Variants in UTS2B observed in about 807,000 individuals in gnomAD.
The protein encoded by UTS2B is urotensin-2B.
A neutral mutation model predicts 19.2 loss-of-function variants in UTS2B; 21 were observed. The observed-to-expected ratio is 1.09, with a 90% CI of 0.78 to 1.58. The LOEUF (loss-of-function observed/expected upper bound fraction) is 1.58, where lower values mean the gene tolerates loss of function less well. Ranked by LOEUF, UTS2B falls within the 40% of genes most tolerant of loss-of-function variation. The pLI, the probability that UTS2B is intolerant of heterozygous loss-of-function variation, is 0.00. For missense variants in UTS2B, 138 were observed against 130.3 expected (o/e 1.06, Z -0.29); for synonymous variants, 57 against 50.2 (o/e 1.14, Z -0.58).
chr3:191,309,247 C>T (rs1007082409), intron 3 of UTS2B, among the ~76,000 whole-genome samples: 6 of 152,038 alleles, frequency 3.9e-5, no homozygotes, highest in Non-Finnish European at 7.4e-5. Flanking sequence ...CTGCAAGCTC[C>T]GCCTCCCTGA....
chr3:191,337,257 C>A, the UTS2B span, among the ~76,000 whole-genome samples: 1 of 152,016 alleles, frequency 6.6e-6, no homozygotes, highest in Non-Finnish European at 1.5e-5. Flanking sequence ...GTTCAGTTAT[C>A]GGTATAAACA....
At chr3:191,304,304 A>G (rs1047138691) in intron 4 of UTS2B, among the ~76,000 whole-genome samples, 188 bp downstream of exon 4, 29 of 152,174 alleles carry the variant, frequency 1.9e-4, no homozygotes, top group African/African-American at 6.5e-4. Flanking sequence ...TCATCTAGTG[A>G]AAGATGGGAA....
chr3:191,281,423 A>T (rs1317808747), intron 5 of UTS2B, among the ~76,000 whole-genome samples: 1 of 152,056 alleles, frequency 6.6e-6, no homozygotes, highest in Non-Finnish European at 1.5e-5. Flanking sequence ...TTTTCTATAG[A>T]AGCACCACAA....
intron 4 of UTS2B, among the ~76,000 whole-genome samples, chr3:191,288,037 A>G (rs1384252122): frequency 6.6e-6 from 1 of 152,156 alleles, no homozygotes; most frequent in African/African-American, 2.4e-5. Context: ...GTCATTTGCA[A>G]TGGATATCCC....
intron 4 of UTS2B, among the ~76,000 whole-genome samples, chr3:191,299,472 G>A (rs1052369475): frequency 6.6e-6 from 1 of 152,250 alleles, no homozygotes; most frequent in East Asian, 1.9e-4. Flanking sequence ...TGCTGCTTCA[G>A]GGAGTGCAAG....
At position 191,282,239 on chromosome 3, in the gene UTS2B, G is replaced by A. The variant is rs1208495958; in HGVS notation, c.-50C>T. On this transcript the variant is annotated 5_prime_UTR_variant, in exon 5 of 9. Coordinates refer to ENST00000340524, the MANE Select transcript of UTS2B (RefSeq NM_198152.5). Reference sequence around the variant, plus strand: ...CAAAGAAACAGACTTTCCAGGTCAAGATGGATATTTCTATAGCTTTGGAAT... The same window carrying A: ...CAAAGAAACAGACTTTCCAGGTCAAAATGGATATTTCTATAGCTTTGGAAT... The A allele has an allele frequency of 7.2e-7, 1 of 1,394,622 alleles. No homozygotes were observed. Among genetic ancestry groups the A allele is most frequent in the South Asian group, 1.2e-5 (1 of 81,402 alleles). 86.4% of individuals were successfully genotyped at this position (1,394,622 alleles called of 1,614,324 possible). A position where few individuals can be genotyped will look rare whatever the true frequency, so the allele number is the denominator to read the frequency against.
At chr3:191,325,301 T>C (rs1366990223) in intron 2 of UTS2B, among the ~76,000 whole-genome samples, 1 of 151,550 alleles carries the variant, frequency 6.6e-6, no homozygotes, top group Non-Finnish European at 1.5e-5. Context: ...TATTTAAAAA[T>C]AGGAAAGACA....
At chr3:191,268,522 C>A in intron 8 of UTS2B, 81 bp from the exon 9 acceptor site, 1 of 990,370 alleles carries the variant, frequency 1.0e-6, no homozygotes, top group Non-Finnish European at 1.5e-6. Flanking sequence ...TTATGTGTGC[C>A]TGAATGCGAG....
intron 4 of UTS2B, among the ~76,000 whole-genome samples, chr3:191,298,093 G>A (rs1716902344): frequency 1.3e-5 from 2 of 152,144 alleles, no homozygotes; most frequent in South Asian, 4.1e-4. Context: ...CTGTTGCCTA[G>A]TTGTAGCATA....
At chr3:191,291,339 TTTC>T (rs1197908790) in intron 4 of UTS2B, among the ~76,000 whole-genome samples, 1 of 152,166 alleles carries the variant, frequency 6.6e-6, no homozygotes, top group Non-Finnish European at 1.5e-5. Context: ...TTTTCTTGTG[TTTC>T]TTGTTTTTGA....
chr3:191,283,503 ATT>A (rs1429634543), intron 4 of UTS2B, among the ~76,000 whole-genome samples: 2 of 151,976 alleles, frequency 1.3e-5, no homozygotes, highest in East Asian at 3.9e-4. Context: ...TTCAAAATTC[ATT>A]TCTTCTTTCA....
At chr3:191,327,625 A>G (rs1312950353) in intron 2 of UTS2B, among the ~76,000 whole-genome samples, 1 of 152,196 alleles carries the variant, frequency 6.6e-6, no homozygotes, top group Non-Finnish European at 1.5e-5. Context: ...GAATACTCTG[A>G]TATTTCTCTC....
At chr3:191,301,855 A>G (rs1007944604) in intron 4 of UTS2B, among the ~76,000 whole-genome samples, 4 of 152,340 alleles carry the variant, frequency 2.6e-5, no homozygotes, top group Admixed American at 2.6e-4. Context: ...GAAAGATGTC[A>G]TTATCAAAAT....
intron 4 of UTS2B, among the ~76,000 whole-genome samples, chr3:191,292,879 T>A (rs369076411): frequency 8.3e-4 from 126 of 152,162 alleles, no homozygotes; most frequent in African/African-American, 2.9e-3. Flanking sequence ...TTACATTTTG[T>A]CAAATGCCTT....
At chr3:191,290,133 T>C (rs745773201) in intron 4 of UTS2B, among the ~76,000 whole-genome samples, 9 of 152,224 alleles carry the variant, frequency 5.9e-5, no homozygotes, top group Non-Finnish European at 1.0e-4. Context: ...TTCATGACCA[T>C]TTCCATCCAC....
Position 191,268,239 on chromosome 3 carries a change from G to A in UTS2B, c.*177C>T, listed in dbSNP as rs1318924517. 2.1e-6 allele frequency: 1 copy of A among 480,246 alleles called. No homozygotes were observed. Among genetic ancestry groups the A allele is most frequent in the Non-Finnish European group, 3.7e-6 (1 of 269,244 alleles). The allele number at this position is 480,246 out of a possible 1,614,324, so 29.7% of individuals were successfully genotyped here. ...CAAGTGCTGTTGGCTCATTCTGGCAGTCCAACCTGGCATTGTCTTTACACA... is the reference window on the plus strand; with the variant it reads ...CAAGTGCTGTTGGCTCATTCTGGCAATCCAACCTGGCATTGTCTTTACACA... On this transcript the variant is annotated 3_prime_UTR_variant, in exon 9 of 9. Transcript: ENST00000340524.
chr3:191,310,335 A>G (rs960102156), intron 3 of UTS2B, among the ~76,000 whole-genome samples: 2 of 151,894 alleles, frequency 1.3e-5, no homozygotes, highest in Non-Finnish European at 2.9e-5. Context: ...ATCCCCTTTC[A>G]AAACAAATAG....
upstream of UTS2B, among the ~76,000 whole-genome samples, chr3:191,332,242 C>G (rs1718013831): frequency 6.6e-6 from 1 of 152,126 alleles, no homozygotes; most frequent in South Asian, 2.1e-4. Context: ...TGCTTGCTTA[C>G]TTAGTTTTTA....
intron 4 of UTS2B, among the ~76,000 whole-genome samples, chr3:191,299,534 T>A (rs1211971657): frequency 6.6e-6 from 1 of 152,192 alleles, no homozygotes; most frequent in Non-Finnish European, 1.5e-5. Flanking sequence ...GTGCACAGAG[T>A]GCAAGAGTTG....
Sources: gnomAD v4.1 joint callset for allele counts (sites outside exome capture counted in the v4.1 genomes callset) on GRCh38, gnomAD v4.1.1 for gene constraint, MANE v1.5 for transcripts, NCBI Gene and HGNC (gene_info 2026-07-23, HGNC 2026-07-21) for gene names.